Variants in DBX2 observed in about 807,000 individuals in gnomAD.
DBX2 encodes homeobox protein DBX2.
A neutral mutation model predicts 17.7 loss-of-function variants in DBX2; 16 were observed. The ratio of observed to expected loss-of-function variants is 0.90; its 90% CI spans 0.61 to 1.37. The LOEUF (loss-of-function observed/expected upper bound fraction) is 1.37. Ranked by LOEUF, DBX2 falls within the 40% of genes most tolerant of loss-of-function variation. The pLI, the probability that DBX2 is intolerant of heterozygous loss-of-function variation, is 0.00. For missense variants in DBX2, 538 were observed against 433.8 expected (o/e 1.24, Z -2.13); for synonymous variants, 255 against 183.8 (o/e 1.39, Z -3.13).
In DBX2 at chr12:45,020,694, C is replaced by T. The variant is rs867143972; in HGVS notation, c.687+3013G>A. Among the ~76,000 whole-genome samples, 7 of 117,018 alleles carry T rather than the reference C, an allele frequency of 6.0e-5. No homozygotes were observed. The East Asian group carries it at 1.6e-3, about 26-fold the overall frequency. The allele number at this position is 117,018 out of a possible 152,430, so 76.8% of individuals were successfully genotyped here. A position where few individuals can be genotyped will look rare whatever the true frequency, so the allele number is the denominator to read the frequency against. ...ATATATGTATATATATATATATACA[C>T]ACACACACACACAATTCTCAGCTTC... is the stretch of plus-strand genomic sequence containing the variant. On this transcript the variant is annotated intron_variant, in intron 3 of 3. Coordinates refer to ENST00000332700, the MANE Select transcript of DBX2 (RefSeq NM_001004329.3).
Position 45,025,854 on chromosome 12 carries a change from C to T in DBX2, c.500-1960G>A, listed in dbSNP as rs1946378629. Among the ~76,000 whole-genome samples the T allele has an allele frequency of 3.4e-5, 5 of 149,242 alleles. No homozygotes were observed. In the South Asian group the frequency reaches 1.1e-3, roughly 33 times the overall value. On this transcript the variant is annotated intron_variant, in intron 2 of 3. Transcript: ENST00000332700. Reference sequence around the variant, plus strand: ...TTGAGTCAAGTATAAAAGAACAATACCGTTTAAGAGAGAAAGAACCAAAGC... The same window carrying T: ...TTGAGTCAAGTATAAAAGAACAATATCGTTTAAGAGAGAAAGAACCAAAGC...
intron 2 of DBX2, among the ~76,000 whole-genome samples, chr12:45,034,710 G>C (rs372916150): frequency 2.2e-4 from 34 of 152,276 alleles, no homozygotes; most frequent in Middle Eastern, 3.4e-3. Flanking sequence ...GCTAGAATGA[G>C]TCTATAAAAG....
chr12:45,017,398 T>C (rs2731051), intron 3 of DBX2, among the ~76,000 whole-genome samples: 96,486 of 151,964 alleles, frequency 0.63, 31,075 homozygotes, highest in South Asian at 0.84. Context: ...CATTAGCTTA[T>C]GGTCACAAAG....
intron 1 of DBX2, among the ~76,000 whole-genome samples, chr12:45,042,251 T>C (rs116660148): frequency 6.6e-6 from 1 of 152,174 alleles, no homozygotes; most frequent in Non-Finnish European, 1.5e-5. Context: ...AGATCAAGAC[T>C]AAAACAGCAC....
rs764997589 is a variant in DBX2 at position 45,050,916 on chromosome 12, G to A, written c.12C>T (p.Ser4=). 1.5e-4 allele frequency: 222 copies of A among 1,497,312 alleles called. 1 individual carries two copies. The highest frequency in any genetic ancestry group is 1.3e-3 in the Middle Eastern group (7 of 5,418). The allele number at this position is 1,497,312 out of a possible 1,614,324, so 92.8% of individuals were successfully genotyped here. A position where few individuals can be genotyped will look rare whatever the true frequency, so the allele number is the denominator to read the frequency against. Residue 4 remains serine (S), a synonymous_variant, in exon 1 of 4, where the codon AGC becomes AGT. Transcript: ENST00000332700. MLP[S]AVAAHAGAYW... Reference sequence around the variant, plus strand: ...ACGCACCGGCGTGGGCTGCGACCGCGCTGGGGAGCATAGTGCGGCGCCAAC... The same window carrying A: ...ACGCACCGGCGTGGGCTGCGACCGCACTGGGGAGCATAGTGCGGCGCCAAC...
intron 2 of DBX2, among the ~76,000 whole-genome samples, chr12:45,034,767 T>C (rs1166265299): frequency 6.6e-6 from 1 of 152,222 alleles, no homozygotes; most frequent in Admixed American, 6.5e-5. Context: ...CTTTAAATGG[T>C]GTCCAGAAAT....
chr12:45,044,326 C>G lies in DBX2; in HGVS notation c.403+6199G>C, dbSNP rs1338010584. On this transcript the variant is annotated intron_variant, in intron 1 of 3. Coordinates refer to ENST00000332700, the MANE Select transcript of DBX2 (RefSeq NM_001004329.3). ...TATCTATTAAAAACTTGCCAGCAGT[C>G]ACGGTTTTTATTCCTTTTTTAATGT... Among the ~76,000 whole-genome samples, 4 of 152,100 alleles carry G rather than the reference C, an allele frequency of 2.6e-5. No individual in the cohort carries two copies. The East Asian group carries it at 7.7e-4, about 29-fold the overall frequency.
intron 1 of DBX2, among the ~76,000 whole-genome samples, chr12:45,050,035 T>C (rs1010845838): frequency 6.6e-6 from 1 of 152,076 alleles, no homozygotes; most frequent in Non-Finnish European, 1.5e-5. Flanking sequence ...CGCGCGTTCC[T>C]GAGCTACCCC....
intron 3 of DBX2, among the ~76,000 whole-genome samples, chr12:45,019,733 C>A (rs1223451997): frequency 1.3e-5 from 2 of 151,980 alleles, no homozygotes; most frequent in Admixed American, 6.6e-5. Flanking sequence ...TGAAGTAGAT[C>A]TGTATGTACT....
chr12:45,017,153 A>C lies in DBX2; in HGVS notation c.688-535T>G, dbSNP rs1592749373. On this transcript the variant is annotated intron_variant, in intron 3 of 3. Transcript: ENST00000332700. Reference sequence around the variant, plus strand: ...AAAACAACTGTGATAAGTTGGTTACACCCTGTAAGTCTGATAGCTTTCAAA... The same window carrying C: ...AAAACAACTGTGATAAGTTGGTTACCCCCTGTAAGTCTGATAGCTTTCAAA... Among the ~76,000 whole-genome samples the C allele has an allele frequency of 2.6e-5, 4 of 152,178 alleles. No homozygotes were observed. In the East Asian group the frequency reaches 7.7e-4, roughly 29 times the overall value.
At chr12:45,046,024 T>C (rs572097390) in intron 1 of DBX2, among the ~76,000 whole-genome samples, 3 of 152,278 alleles carry the variant, frequency 2.0e-5, no homozygotes, top group African/African-American at 4.8e-5. Context: ...GTTTTATTAT[T>C]AAACCTCAAG....
At chr12:45,025,203 A>G (rs1413281837) in intron 2 of DBX2, among the ~76,000 whole-genome samples, 1 of 152,222 alleles carries the variant, frequency 6.6e-6, no homozygotes, top group African/African-American at 2.4e-5. Flanking sequence ...CAAAGTAATC[A>G]TAAGATTCCT....
At position 45,050,030 on chromosome 12, in the gene DBX2, G is replaced by A. The variant is rs890423895; in HGVS notation, c.403+495C>T. 2.0e-5 allele frequency among the ~76,000 whole-genome samples: 3 copies of A among 152,008 alleles called. No individual in the cohort carries two copies. In the East Asian group the frequency reaches 5.8e-4, roughly 29 times the overall value. On this transcript the variant is annotated intron_variant, in intron 1 of 3. Transcript: ENST00000332700. ...TCTCCTTCCAAAGATCTTTGCGCGC[G>A]TTCCTGAGCTACCCCGACCATCCTA... is the stretch of plus-strand genomic sequence containing the variant.
At chr12:45,031,569 A>G (rs1946411297) in intron 2 of DBX2, among the ~76,000 whole-genome samples, 1 of 152,064 alleles carries the variant, frequency 6.6e-6, no homozygotes, top group East Asian at 1.9e-4. Context: ...AAAAATATTC[A>G]ATTTTTTTCC....
At chr12:45,028,898 G>A (rs969334086) in intron 2 of DBX2, among the ~76,000 whole-genome samples, 3 of 152,184 alleles carry the variant, frequency 2.0e-5, no homozygotes, top group Non-Finnish European at 4.4e-5. Flanking sequence ...TTCATAAAGT[G>A]ATGCAATGCA....
At chr12:45,043,555 A>T (rs1033756951) in intron 1 of DBX2, among the ~76,000 whole-genome samples, 1 of 152,190 alleles carries the variant, frequency 6.6e-6, no homozygotes, top group Non-Finnish European at 1.5e-5. Context: ...CAGTTGAGCA[A>T]CCAGTCAACA....
chr12:45,032,229 A>T (rs562722020), intron 2 of DBX2, among the ~76,000 whole-genome samples: 1 of 152,348 alleles, frequency 6.6e-6, no homozygotes, highest in East Asian at 1.9e-4. Context: ...ACTTTTGAGA[A>T]GTCAACACCT....
chr12:45,044,075 G>A (rs1311737514), intron 1 of DBX2, among the ~76,000 whole-genome samples: 5 of 151,214 alleles, frequency 3.3e-5, no homozygotes, highest in East Asian at 1.9e-4. Flanking sequence ...TGGAGCAAGC[G>A]CTGGCATACT....
chr12:45,047,299 C>T (rs117536454), intron 1 of DBX2, among the ~76,000 whole-genome samples: 1,632 of 152,186 alleles, frequency 0.011, 4 homozygotes, highest in Non-Finnish European at 0.017. Context: ...ACTCAAAAAA[C>T]CTCCTGGTTT....
Sources: allele counts gnomAD v4.1 joint callset (sites outside exome capture counted in the v4.1 genomes callset), GRCh38; gene constraint gnomAD v4.1.1; transcripts MANE v1.5; gene names NCBI Gene and HGNC (gene_info 2026-07-23, HGNC 2026-07-21).